The following PLEKHA1 variants were observed in gnomAD, a reference collection of about 807,000 sequenced individuals.
PLEKHA1 encodes the protein pleckstrin homology domain-containing family A member 1.
In PLEKHA1, 34 loss-of-function variants were observed where a neutral mutation model predicts 52.0. That is an observed-to-expected ratio of 0.65 (90% CI 0.50 to 0.87). The LOEUF (loss-of-function observed/expected upper bound fraction) is 0.87. Ranked by LOEUF, PLEKHA1 falls within the 40% of genes least tolerant of loss-of-function variation. PLEKHA1 has a pLI of 0.00. For missense variants in PLEKHA1, 497 were observed against 504.2 expected, an observed-to-expected ratio of 0.99 and a Z score of 0.14; for synonymous variants, 163 against 170.7, an observed-to-expected ratio of 0.95 and a Z score of 0.35.
chr10:122,439,147 T>C, the PLEKHA1 span: 1 of 152,220 alleles, frequency 6.6e-6, no homozygotes, highest in Non-Finnish European at 1.5e-5. Context: ...AATAATATTT[T>C]TATCCCTCTT....
intron 10 of PLEKHA1, among the ~76,000 whole-genome samples, 156 bp from the exon 11 acceptor site, chr10:122,426,786 G>C (rs997080611): frequency 6.6e-6 from 1 of 152,076 alleles, no homozygotes; most frequent in Non-Finnish European, 1.5e-5. Context: ...GCAAAACCTG[G>C]CTTTAAAAAA....
intron 11 of PLEKHA1, among the ~76,000 whole-genome samples, chr10:122,427,846 A>G (rs2017260312): frequency 6.6e-6 from 1 of 152,222 alleles, no homozygotes; most frequent in Non-Finnish European, 1.5e-5. Flanking sequence ...ATCTAGATTT[A>G]CTATGACATA....
chr10:122,418,371 A>G (rs2097209335), intron 8 of PLEKHA1: 1 of 159,632 alleles, frequency 6.3e-6, no homozygotes, highest in Admixed American at 6.2e-5. Flanking sequence ...TATATTAAGT[A>G]TAATAGAAGC....
chr10:122,375,700 G>A (rs960760062), intron 1 of PLEKHA1, among the ~76,000 whole-genome samples: 1 of 152,172 alleles, frequency 6.6e-6, no homozygotes, highest in African/African-American at 2.4e-5. Context: ...CATCTACCGT[G>A]GTCTGGGCGT....
intron 4 of PLEKHA1, 90 bp downstream of exon 4, chr10:122,400,478 C>T: frequency 1.7e-6 from 2 of 1,192,688 alleles, no homozygotes; most frequent in Non-Finnish European, 2.4e-6. Context: ...CACACAAAAC[C>T]TAGGGCTTAA....
At position 122,429,948 on chromosome 10, in the gene PLEKHA1, G is replaced by C. The variant is rs755554481; in HGVS notation, c.*10G>C. ...GGTCAGTGACGTGTGAGGCAGAAGC[G>C]CACGGAGCCTGCCTGCCTCTGCCGT... is the stretch of plus-strand genomic sequence containing the variant. On this transcript the variant is annotated 3_prime_UTR_variant, in exon 12 of 12. Coordinates refer to ENST00000368990, the MANE Select transcript of PLEKHA1 (RefSeq NM_001001974.4). 6.3e-7 allele frequency: 1 copy of C among 1,599,810 alleles called. No individual in the cohort carries two copies. Among genetic ancestry groups the C allele is most frequent in the Admixed American group, 1.7e-5 (1 of 58,616 alleles).
At chr10:122,423,767 A>G (rs1272482292) in intron 8 of PLEKHA1, 2 of 158,408 alleles carry the variant, frequency 1.3e-5, no homozygotes, top group Non-Finnish European at 2.8e-5. Flanking sequence ...TCAATTTTGT[A>G]TTTATATAAA....
At chr10:122,385,516 G>A (rs1355430406) in intron 1 of PLEKHA1, among the ~76,000 whole-genome samples, 18 of 151,966 alleles carry the variant, frequency 1.2e-4, no homozygotes, top group Admixed American at 9.8e-4. Flanking sequence ...GGGCTTCTCC[G>A]TGTTGGTCAG....
At chr10:122,401,166 A>G (rs1009638633) in intron 4 of PLEKHA1, among the ~76,000 whole-genome samples, 2 of 151,896 alleles carry the variant, frequency 1.3e-5, no homozygotes, top group Non-Finnish European at 2.9e-5. Flanking sequence ...GGAGCTGAAC[A>G]CTCTGAAGCT....
chr10:122,417,880 T>C lies in PLEKHA1; in HGVS notation c.613-20T>C. On this transcript the variant is annotated intron_variant, in intron 7 of 11. Transcript: ENST00000368990. ...CATTCTTAGAAACACAAGTCTTATG[T>C]CTGTGTTCATCTCTGGTAGATGAAA... is the stretch of plus-strand genomic sequence containing the variant. The C allele has an allele frequency of 6.3e-7, 1 of 1,580,068 alleles. No individual in the cohort carries two copies. Among genetic ancestry groups the C allele is most frequent in the Non-Finnish European group, 8.7e-7 (1 of 1,150,486 alleles).
At chr10:122,423,543 ATATTG>A (rs1565316662) in intron 8 of PLEKHA1, 3 of 152,124 alleles carry the variant, frequency 2.0e-5, no homozygotes, top group Non-Finnish European at 2.9e-5. Flanking sequence ...TGAAATATGT[ATATTG>A]TATTTTATGG....
intron 8 of PLEKHA1, 34 bp downstream of exon 8, chr10:122,418,002 A>G: frequency 6.5e-7 from 1 of 1,536,120 alleles, no homozygotes; most frequent in Non-Finnish European, 9.0e-7. Context: ...TGCTATAAGA[A>G]TGTTTGAAAA....
intron 1 of PLEKHA1, among the ~76,000 whole-genome samples, chr10:122,389,797 T>C (rs141036642): frequency 1.3e-5 from 2 of 152,198 alleles, no homozygotes; most frequent in African/African-American, 4.8e-5. Flanking sequence ...ACAGGCAGAG[T>C]AGACTTTGCA....
At chr10:122,406,251 C>T (rs954903355) in intron 4 of PLEKHA1, among the ~76,000 whole-genome samples, 3 of 151,998 alleles carry the variant, frequency 2.0e-5, no homozygotes, top group African/African-American at 7.3e-5. Flanking sequence ...AAATGCTAGC[C>T]AAGTGTGGAG....
chr10:122,424,183 T>TC lies in PLEKHA1; in HGVS notation c.682-16_682-15insC. On this transcript the variant is annotated splice_polypyrimidine_tract_variant and intron_variant, in intron 8 of 11. Transcript: ENST00000368990. The stretch of plus-strand genomic sequence containing the variant: ...ACATCATGTAACTGTTTTTTTTTTT[T>TC]TTTTTTTTTTGCCAGGAAAAGGAAC... The TC allele has an allele frequency of 6.7e-7, 1 of 1,501,856 alleles. No individual in the cohort carries two copies. The allele number at this position is 1,501,856 out of a possible 1,614,324, so 93.0% of individuals were successfully genotyped here. A position where few individuals can be genotyped will look rare whatever the true frequency, so the allele number is the denominator to read the frequency against.
intron 1 of PLEKHA1, among the ~76,000 whole-genome samples, chr10:122,392,063 A>C (rs554193003): frequency 6.6e-6 from 1 of 152,186 alleles, no homozygotes; most frequent in Non-Finnish European, 1.5e-5. Context: ...TGTCTGGTGC[A>C]GATTTGGGCT....
At chr10:122,421,214 T>G (rs1378604807) in intron 8 of PLEKHA1, 1 of 152,026 alleles carries the variant, frequency 6.6e-6, no homozygotes, top group Non-Finnish European at 1.5e-5. Flanking sequence ...CCTGACAGGA[T>G]AGTGGAAGAC....
At chr10:122,409,640 A>G (rs1161022082) in intron 5 of PLEKHA1, among the ~76,000 whole-genome samples, 2 of 152,228 alleles carry the variant, frequency 1.3e-5, no homozygotes, top group Non-Finnish European at 2.9e-5. Context: ...CAGAAACTCC[A>G]CAAGTTTGAT....
intron 9 of PLEKHA1, 129 bp downstream of exon 9, chr10:122,424,392 G>A: frequency 1.9e-6 from 2 of 1,040,238 alleles, no homozygotes; most frequent in Non-Finnish European, 2.6e-6. Context: ...CTTTATAGTT[G>A]AGATACACTA....
Sources: gnomAD v4.1 joint callset for allele counts (sites outside exome capture counted in the v4.1 genomes callset) on GRCh38, gnomAD v4.1.1 for gene constraint, MANE v1.5 for transcripts, NCBI Gene and HGNC (gene_info 2026-07-23, HGNC 2026-07-21) for gene names.